DCTN6: variants seen among roughly 807,000 people sequenced by gnomAD.
The protein encoded by DCTN6 is dynactin subunit 6.
In DCTN6, 15 loss-of-function variants were observed where a neutral mutation model predicts 25.8. That is an observed-to-expected ratio of 0.58 (90% confidence interval 0.39 to 0.89). The LOEUF (loss-of-function observed/expected upper bound fraction) is 0.89. Ranked by LOEUF, DCTN6 falls within the 40% of genes least tolerant of loss-of-function variation. The pLI, the probability that DCTN6 is intolerant of heterozygous loss-of-function variation, is 0.00. For synonymous variants in DCTN6, 64 were observed against 78.3 expected, an observed-to-expected ratio of 0.82 and a Z score of 0.96; for missense variants, 198 against 237.6, an observed-to-expected ratio of 0.83 and a Z score of 1.09.
chr8:30,161,748 ATTTT>A (rs11292520), intron 1 of DCTN6, among the ~76,000 whole-genome samples: 1 of 138,918 alleles, frequency 7.2e-6, no homozygotes. Context: ...TTGTGTTTTA[ATTTT>A]TTTTTTTTTT....
chr8:30,157,284 C>T (rs1364973615), intron 1 of DCTN6, among the ~76,000 whole-genome samples: 2 of 152,192 alleles, frequency 1.3e-5, no homozygotes, highest in Non-Finnish European at 2.9e-5. Context: ...TTTTTGATGG[C>T]TCTGTAGTAT....
chr8:30,166,880 T>G (rs1292166138), intron 2 of DCTN6, among the ~76,000 whole-genome samples: 1 of 151,882 alleles, frequency 6.6e-6, no homozygotes, highest in African/African-American at 2.4e-5. Flanking sequence ...GAGGATCACT[T>G]TAGCTCAAGA....
chr8:30,169,817 A>G (rs934434372), intron 2 of DCTN6, among the ~76,000 whole-genome samples: 6 of 152,154 alleles, frequency 3.9e-5, no homozygotes, highest in South Asian at 2.1e-4. Context: ...ACCTCCATCA[A>G]TAGACCACGC....
intron 5 of DCTN6, 50 bp downstream of exon 5, chr8:30,179,505 T>C: frequency 1.3e-6 from 2 of 1,528,240 alleles, no homozygotes; most frequent in Non-Finnish European, 1.8e-6. Context: ...TCTTTTCTCT[T>C]TGTGGTGTCC....
At chr8:30,172,203 C>CTA (rs1803772349) in intron 2 of DCTN6, among the ~76,000 whole-genome samples, 1 of 151,910 alleles carries the variant, frequency 6.6e-6, no homozygotes, top group Non-Finnish European at 1.5e-5. Flanking sequence ...TGTCTAAATG[C>CTA]CATTATTAAG....
chr8:30,162,130 C>T (rs554366776), intron 1 of DCTN6, among the ~76,000 whole-genome samples: 13 of 151,966 alleles, frequency 8.6e-5, no homozygotes, highest in African/African-American at 2.9e-4. Flanking sequence ...CGCTCAGTCA[C>T]CCAGGCTGGA....
chr8:30,180,753 C>A, intron 6 of DCTN6, 123 bp downstream of exon 6: 1 of 1,203,546 alleles, frequency 8.3e-7, no homozygotes, highest in South Asian at 1.7e-5. Flanking sequence ...CAAAAGATGC[C>A]AGTCTCAGTG....
At chr8:30,158,143 C>G (rs1672219747) in intron 1 of DCTN6, among the ~76,000 whole-genome samples, 1 of 152,150 alleles carries the variant, frequency 6.6e-6, no homozygotes, top group South Asian at 2.1e-4. Flanking sequence ...CAAGCATTAC[C>G]TGGGATCTCT....
At chr8:30,164,496 T>C (rs1249986627) in intron 2 of DCTN6, among the ~76,000 whole-genome samples, 1 of 152,204 alleles carries the variant, frequency 6.6e-6, no homozygotes, top group Non-Finnish European at 1.5e-5. Context: ...CAGACAAAGG[T>C]GCTGCCTTTG....
Position 30,165,658 on chromosome 8 carries a change from A to T in DCTN6, c.88+1483A>T, listed in dbSNP as rs559568219. Reference sequence around the variant, plus strand: ...GGCGGGCGGATCACATGAGGTCAGGAGTTCAAGACCAGCCTCAACATGGAG... The same window carrying T: ...GGCGGGCGGATCACATGAGGTCAGGTGTTCAAGACCAGCCTCAACATGGAG... On this transcript the variant is annotated intron_variant, in intron 2 of 6. Transcript: ENST00000221114. 8 of 155,074 alleles carry T rather than the reference A, an allele frequency of 5.2e-5. No individual in the cohort carries two copies. In the South Asian group the frequency reaches 1.5e-3, roughly 29 times the overall value. The allele number at this position is 155,074 out of a possible 1,614,324, so 9.6% of individuals were successfully genotyped here. A position where few individuals can be genotyped will look rare whatever the true frequency, so the allele number is the denominator to read the frequency against.
intron 1 of DCTN6, among the ~76,000 whole-genome samples, chr8:30,160,569 G>T (rs1170922886): frequency 6.6e-6 from 1 of 152,098 alleles, no homozygotes; most frequent in African/African-American, 2.4e-5. Context: ...AATATAGTTT[G>T]CTCTTTATAT....
chr8:30,178,206 G>A (rs1026584515), intron 4 of DCTN6, among the ~76,000 whole-genome samples: 1 of 152,066 alleles, frequency 6.6e-6, no homozygotes, highest in Non-Finnish European at 1.5e-5. Flanking sequence ...GTTCATGTCC[G>A]TAATCCCAGC....
At chr8:30,169,491 C>T (rs1232807394) in intron 2 of DCTN6, among the ~76,000 whole-genome samples, 1 of 152,174 alleles carries the variant, frequency 6.6e-6, no homozygotes, top group Non-Finnish European at 1.5e-5. Flanking sequence ...AGTTCCAACT[C>T]TAGACACATT....
chr8:30,156,518 C>A, intron 1 of DCTN6, 112 bp downstream of exon 1: 2 of 1,307,218 alleles, frequency 1.5e-6, no homozygotes, highest in Middle Eastern at 2.2e-4. Context: ...GCATTCGGGC[C>A]GAAGGTACCT....
intron 2 of DCTN6, among the ~76,000 whole-genome samples, chr8:30,168,485 TTTA>T (rs1803717431): frequency 6.6e-6 from 1 of 152,216 alleles, no homozygotes; most frequent in Non-Finnish European, 1.5e-5. Flanking sequence ...TTTTAGGGCT[TTTA>T]TTGTTGTTTT....
chr8:30,170,205 T>A (rs1803745183), intron 2 of DCTN6, among the ~76,000 whole-genome samples: 2 of 151,268 alleles, frequency 1.3e-5, no homozygotes, highest in South Asian at 4.2e-4. Context: ...CAAACCAAAA[T>A]CTAGCGGTTA....
At chr8:30,158,764 A>C (rs961365068) in intron 1 of DCTN6, among the ~76,000 whole-genome samples, 2 of 114,960 alleles carry the variant, frequency 1.7e-5, no homozygotes, top group African/African-American at 3.3e-5. Context: ...AAAGCTTTGC[A>C]CCATGCCTGG....
chr8:30,156,666 G>T (rs1443624221), intron 1 of DCTN6, among the ~76,000 whole-genome samples: 1 of 151,296 alleles, frequency 6.6e-6, no homozygotes, highest in Non-Finnish European at 1.5e-5. Flanking sequence ...CTGCGCAGAG[G>T]GGGTCTCCCG....
At chr8:30,180,676 C>T (rs761386635) in intron 6 of DCTN6, 46 bp downstream of exon 6, 1 of 1,601,278 alleles carries the variant, frequency 6.2e-7, no homozygotes, top group East Asian at 2.2e-5. Flanking sequence ...CTGATTTTCC[C>T]AAAATACAAT....
Sources: gnomAD v4.1 joint callset for allele counts (sites outside exome capture counted in the v4.1 genomes callset) on GRCh38, gnomAD v4.1.1 for gene constraint, MANE v1.5 for transcripts, NCBI Gene and HGNC (gene_info 2026-07-23, HGNC 2026-07-21) for gene names.